The following DOCK9 variants were observed in gnomAD, a reference collection of about 807,000 sequenced individuals.
The protein encoded by DOCK9 is dedicator of cytokinesis 9, also known as dedicator of cytokinesis protein 9.
Under a neutral mutation model 263.3 loss-of-function variants are expected in DOCK9, and 89 were observed. The observed-to-expected ratio is 0.34, with a 90% CI of 0.28 to 0.40. DOCK9 has a LOEUF of 0.40. Ranked by LOEUF, DOCK9 falls within the 10% of genes least tolerant of loss-of-function variation. DOCK9 has a pLI of 1.00. For synonymous variants in DOCK9, 976 were observed against 973.1 expected (o/e 1.00, Z -0.06); for missense variants, 2,140 against 2,603.4 (o/e 0.82, Z 3.87).
intron 15 of DOCK9, among the ~76,000 whole-genome samples, chr13:98,891,221 C>T (rs143509329): frequency 6.2e-4 from 94 of 152,270 alleles, no homozygotes; most frequent in African/African-American, 1.8e-3. Flanking sequence ...CCTCTCTCAG[C>T]TTCACATAGA....
At position 98,896,013 on chromosome 13, in the gene DOCK9, C is replaced by T. The variant is rs567683499; in HGVS notation, c.1709+1475G>A. On this transcript the variant is annotated intron_variant, in intron 15 of 52. Coordinates refer to ENST00000682017, the MANE Select transcript of DOCK9 (RefSeq NM_001366683.2). ...GCAGGCCTCATCCTTCACCAGTATC[C>T]TCCTCTCCCCCTTCTCCAATTCCCT... 2.0e-5 allele frequency among the ~76,000 whole-genome samples: 3 copies of T among 152,168 alleles called. No homozygotes were observed. The South Asian group carries it at 6.2e-4, about 32-fold the overall frequency.
At chr13:98,867,224 TGTA>T (rs1338056705) in intron 30 of DOCK9, 198 bp downstream of exon 30, 8 of 566,602 alleles carry the variant, frequency 1.4e-5, no homozygotes, top group Non-Finnish European at 2.5e-5. Flanking sequence ...TGGCATGATC[TGTA>T]GTCTGATAAG....
intron 13 of DOCK9, among the ~76,000 whole-genome samples, chr13:98,899,699 T>C (rs2047982673): frequency 6.6e-6 from 1 of 152,202 alleles, no homozygotes; most frequent in African/African-American, 2.4e-5. Context: ...ATGATGAATA[T>C]GTTGTGGAGT....
chr13:99,039,580 A>C (rs1888261172), intron 1 of DOCK9, among the ~76,000 whole-genome samples: 1 of 152,228 alleles, frequency 6.6e-6, no homozygotes, highest in Non-Finnish European at 1.5e-5. Flanking sequence ...CCATTGGGTT[A>C]CCATTCTCTC....
At chr13:98,801,666 G>A (rs1328707723) in intron 49 of DOCK9, among the ~76,000 whole-genome samples, 2 of 152,062 alleles carry the variant, frequency 1.3e-5, no homozygotes, top group African/African-American at 2.4e-5. Context: ...TTTACTAATA[G>A]GCAGGTAGAT....
At chr13:98,820,534 A>G (rs1242939107) in intron 45 of DOCK9, 2 of 220,134 alleles carry the variant, frequency 9.1e-6, no homozygotes, top group East Asian at 1.6e-4. Context: ...TGGTCAAAGT[A>G]CAGCTACTCC....
At chr13:98,878,262 T>G (rs2044178141) in intron 27 of DOCK9, among the ~76,000 whole-genome samples, 1 of 152,244 alleles carries the variant, frequency 6.6e-6, no homozygotes, top group Admixed American at 6.5e-5. Flanking sequence ...TGTGGTACTT[T>G]ATTATGGCAA....
chr13:98,927,811 G>A (rs2053246185), intron 3 of DOCK9, among the ~76,000 whole-genome samples: 1 of 151,800 alleles, frequency 6.6e-6, no homozygotes. Context: ...AGTAGAGACA[G>A]GGTTTCACAA....
At chr13:98,915,744 T>C (rs1176836994) in intron 7 of DOCK9, among the ~76,000 whole-genome samples, 1 of 151,406 alleles carries the variant, frequency 6.6e-6, no homozygotes, top group Non-Finnish European at 1.5e-5. Context: ...TACATACTCA[T>C]CTGATTCACT....
chr13:98,884,732 T>A lies in DOCK9; in HGVS notation c.2382+239A>T, dbSNP rs536996159. On this transcript the variant is annotated intron_variant, in intron 21 of 52. Coordinates refer to ENST00000682017, the MANE Select transcript of DOCK9 (RefSeq NM_001366683.2). Reference sequence around the variant, plus strand: ...TCCCAGATTTCCAAGTCTCTATTTTTCCGCTGAGACACCACTAGTTCAGGG... The same window carrying A: ...TCCCAGATTTCCAAGTCTCTATTTTACCGCTGAGACACCACTAGTTCAGGG... Among the ~76,000 whole-genome samples the A allele has an allele frequency of 2.3e-4, 34 of 148,852 alleles. 1 individual carries two copies. In the South Asian group the frequency reaches 7.5e-3, roughly 33 times the overall value.
At chr13:98,797,327 C>T (rs1014436234) in intron 51 of DOCK9, 62 bp downstream of exon 51, 3 of 1,608,486 alleles carry the variant, frequency 1.9e-6, no homozygotes, top group Non-Finnish European at 2.6e-6. Context: ...GCATCTCCTT[C>T]CCGAATGAGT....
intron 1 of DOCK9, among the ~76,000 whole-genome samples, chr13:99,064,324 T>A (rs1336653048): frequency 6.6e-6 from 1 of 152,124 alleles, no homozygotes; most frequent in Non-Finnish European, 1.5e-5. Flanking sequence ...TATTGATAAA[T>A]AACAGGTGGC....
At chr13:98,936,010 C>T (rs1368943587) in intron 2 of DOCK9, among the ~76,000 whole-genome samples, 1 of 152,132 alleles carries the variant, frequency 6.6e-6, no homozygotes, top group Non-Finnish European at 1.5e-5. Flanking sequence ...GTGTAGTATT[C>T]TGATCTGCTT....
At chr13:98,959,586 A>G (rs1048764703) in intron 1 of DOCK9, 5 of 152,314 alleles carry the variant, frequency 3.3e-5, no homozygotes, top group African/African-American at 1.2e-4. Flanking sequence ...AATACTGGGC[A>G]CAATGCCTCC....
chr13:98,824,582 T>C, intron 44 of DOCK9, 78 bp from the exon 45 acceptor site: 1 of 1,249,454 alleles, frequency 8.0e-7, no homozygotes, highest in Non-Finnish European at 1.2e-6. Context: ...TCCTGCCCTG[T>C]GTGTTTCTGT....
intron 9 of DOCK9, among the ~76,000 whole-genome samples, chr13:98,909,530 AAT>A (rs1423467377): frequency 6.6e-6 from 1 of 152,160 alleles, no homozygotes; most frequent in Admixed American, 6.5e-5. Context: ...GACTTTGCAA[AAT>A]GTTTTGAGGC....
intron 10 of DOCK9, 70 bp downstream of exon 10, chr13:98,904,558 TAAAC>T: frequency 1.2e-6 from 1 of 852,268 alleles, no homozygotes; most frequent in Non-Finnish European, 1.6e-6. Context: ...AGCAAACAAA[TAAAC>T]AAATAAGCCC....
intron 35 of DOCK9, among the ~76,000 whole-genome samples, chr13:98,850,842 G>A (rs534617735): frequency 9.2e-5 from 14 of 152,280 alleles, no homozygotes; most frequent in African/African-American, 3.4e-4. Flanking sequence ...TATTACCATC[G>A]TTTGAGTTCT....
At chr13:98,949,870 G>A in intron 2 of DOCK9, 1 of 482,336 alleles carries the variant, frequency 2.1e-6, no homozygotes. Flanking sequence ...TACTTCCCTG[G>A]GAAGGCAATT....
Sources: gnomAD v4.1 joint callset for allele counts (sites outside exome capture counted in the v4.1 genomes callset) on GRCh38, gnomAD v4.1.1 for gene constraint, MANE v1.5 for transcripts, NCBI Gene and HGNC (gene_info 2026-07-23, HGNC 2026-07-21) for gene names.